The following TMEM61 variants were observed in gnomAD, a reference collection of about 807,000 sequenced individuals.
TMEM61 encodes the protein transmembrane protein 61.
Under a neutral mutation model 12.0 loss-of-function variants are expected in TMEM61, and 13 were observed. The ratio of observed to expected loss-of-function variants is 1.08; its 90% confidence interval spans 0.70 to 1.72. TMEM61 has a LOEUF of 1.72. Among genes scored for constraint, TMEM61 ranks in the 40% most tolerant of loss-of-function variants. The probability of loss-of-function intolerance (pLI) is 0.00; values close to 1 mark genes in which losing one functional copy is unlikely to be tolerated. For missense variants in TMEM61, 249 were observed against 276.9 expected, an observed-to-expected ratio of 0.90 and a Z score of 0.71; for synonymous variants, 109 against 121.4, an observed-to-expected ratio of 0.90 and a Z score of 0.67.
At chr1:54,986,987 G>A (rs942969735) in intron 2 of TMEM61, among the ~76,000 whole-genome samples, 1 of 152,134 alleles carries the variant, frequency 6.6e-6, no homozygotes, top group Non-Finnish European at 1.5e-5. Flanking sequence ...TTCCATACTC[G>A]CTCAGCTGAT....
chr1:54,981,030 C>CTGCGCGCCTGG lies in TMEM61; in HGVS notation c.-35_-25dup, dbSNP rs752557197. ...CACACCTTCACCTGCGCCCGGCTCC[C>CTGCGCGCCTGG]TGCGCGCCTGGACAGCGCCTGCTGC... On this transcript the variant is annotated 5_prime_UTR_variant, in exon 1 of 3. Coordinates refer to ENST00000371268, the MANE Select transcript of TMEM61 (RefSeq NM_182532.3). 347 of 1,556,838 alleles carry CTGCGCGCCTGG rather than the reference C, an allele frequency of 2.2e-4. 1 individual carries two copies. The East Asian group carries it at 3.8e-3, about 17-fold the overall frequency.
At chr1:54,983,853 T>G (rs980539453) in intron 1 of TMEM61, among the ~76,000 whole-genome samples, 3 of 152,012 alleles carry the variant, frequency 2.0e-5, no homozygotes, top group Admixed American at 2.0e-4. Flanking sequence ...AGTCAGAATT[T>G]TTTGCTCCCT....
chr1:54,986,286 G>A lies in TMEM61; in HGVS notation c.205G>A (p.Val69Ile), dbSNP rs764975477. Residue 69 changes from valine to isoleucine, a missense_variant, in exon 2 of 3, where the codon GTC becomes ATC. Transcript: ENST00000371268. ...PEGPSPLLRS[V>I]SFVCCGAGGL... is the part of the protein sequence containing the mutation. ...GGGCCCCAGCCCCCTGCTCAGGTCC[G>A]TCAGCTTCGTCTGCTGCGGTGCAGG... The A allele has an allele frequency of 1.6e-5, 26 of 1,613,832 alleles. No individual in the cohort carries two copies. The highest frequency in any genetic ancestry group is 1.2e-4 in the African/African-American group (9 of 74,952).
chr1:54,989,330 T>A (rs190343895), intron 2 of TMEM61, among the ~76,000 whole-genome samples: 4 of 152,226 alleles, frequency 2.6e-5, no homozygotes, highest in Admixed American at 2.6e-4. Context: ...CCCAGGGTGG[T>A]TGTGAATATG....
At chr1:54,981,534 C>T (rs1644222404) in intron 1 of TMEM61, among the ~76,000 whole-genome samples, 1 of 152,186 alleles carries the variant, frequency 6.6e-6, no homozygotes, top group African/African-American at 2.4e-5. Flanking sequence ...AGGAGAATCA[C>T]TTGAACTCAG....
In TMEM61 at chr1:54,981,088, G is replaced by A; in HGVS notation, c.15+8G>A. On this transcript the variant is annotated splice_region_variant and intron_variant, in intron 1 of 2. Coordinates refer to ENST00000371268, the MANE Select transcript of TMEM61 (RefSeq NM_182532.3). ...CCGATGGCCCTGCCCCAGGTGGGTG[G>A]AAACGGCCTTCTCCCTCCTTTACGG... 1.9e-6 allele frequency: 3 copies of A among 1,588,282 alleles called. No homozygotes were observed. In the South Asian group the frequency reaches 3.5e-5, roughly 18 times the overall value.
intron 2 of TMEM61, among the ~76,000 whole-genome samples, chr1:54,987,683 G>A (rs532604594): frequency 6.6e-6 from 1 of 152,262 alleles, no homozygotes; most frequent in Non-Finnish European, 1.5e-5. Context: ...TTCCTGCAAG[G>A]TAAGAATGAC....
At chr1:54,989,887 G>T (rs1644284028) in intron 2 of TMEM61, among the ~76,000 whole-genome samples, 1 of 152,214 alleles carries the variant, frequency 6.6e-6, no homozygotes, top group African/African-American at 2.4e-5. Flanking sequence ...GCAGGCAGGA[G>T]ATGGGGCTCT....
rs1256941500 is a variant in TMEM61 at position 54,980,940 on chromosome 1, C to G, written c.-126C>G. ...GCCAGGCCCCTCCGCCCCTAACACCCGCGCCTCCTGCAGACCCGAGGGTCG... is the reference window on the plus strand; with the variant it reads ...GCCAGGCCCCTCCGCCCCTAACACCGGCGCCTCCTGCAGACCCGAGGGTCG... On this transcript the variant is annotated 5_prime_UTR_variant, in exon 1 of 3. Coordinates refer to ENST00000371268, the MANE Select transcript of TMEM61 (RefSeq NM_182532.3). 9.5e-7 allele frequency: 1 copy of G among 1,054,454 alleles called. No individual in the cohort carries two copies. Among genetic ancestry groups the G allele is most frequent in the Non-Finnish European group, 1.3e-6 (1 of 765,042 alleles). The allele number at this position is 1,054,454 out of a possible 1,614,324, so 65.3% of individuals were successfully genotyped here. A position where few individuals can be genotyped will look rare whatever the true frequency, so the allele number is the denominator to read the frequency against.
rs370940522 is a variant in TMEM61, at chr1:54,986,193, T to A, written c.112T>A (p.Trp38Arg). The A allele has an allele frequency of 6.2e-7, 1 of 1,613,694 alleles. No individual in the cohort carries two copies. The highest frequency in any genetic ancestry group is 8.5e-7 in the Non-Finnish European group (1 of 1,179,922). Residue 38 changes from tryptophan (W) to arginine (R), a missense_variant, in exon 2 of 3, where the codon TGG becomes AGG. Physicochemically the swap from Trp to Arg is moderately radical, Grantham distance 101. Transcript: ENST00000371268. Reference sequence around the variant, plus strand: ...GGCCGGGACGCTCTGCTTCGCTTGGTGGAGCGAAGGGGATGCAACCGCCCA... The same window carrying A: ...GGCCGGGACGCTCTGCTTCGCTTGGAGGAGCGAAGGGGATGCAACCGCCCA... ...LVAGTLCFAW[W>R]SEGDATAQPG...
In TMEM61 at chr1:54,991,844, A is replaced by T. The variant is rs772652696; in HGVS notation, c.374A>T (p.Lys125Ile). ...CTCTTCTGTTCCTGCAGGACCCCCA[A>T]AGTGGTTGACATCCCCACTTACGAG... is the stretch of plus-strand genomic sequence containing the variant. ...SSEKESCRTP[K>I]VVDIPTYEEA... The change falls in exon 3 of 3, where the codon AAA (lysine) becomes ATA (isoleucine). Residue 125 changes from lysine (K) to isoleucine (I), a missense_variant. Physicochemically the swap from Lys to Ile is moderately radical, Grantham distance 102. Transcript: ENST00000371268. 2 of 1,613,860 alleles carry T rather than the reference A, an allele frequency of 1.2e-6. No homozygotes were observed. The highest frequency in any genetic ancestry group is 3.3e-5 in the Admixed American group (2 of 60,006).
intron 2 of TMEM61, among the ~76,000 whole-genome samples, chr1:54,990,867 G>A (rs1198329431): frequency 6.6e-6 from 1 of 152,176 alleles, no homozygotes; most frequent in African/African-American, 2.4e-5. Flanking sequence ...AGGCCTCGAT[G>A]AATGGAATTA....
chr1:54,985,734 G>T (rs529552607), intron 1 of TMEM61, among the ~76,000 whole-genome samples: 1 of 150,522 alleles, frequency 6.6e-6, no homozygotes, highest in Non-Finnish European at 1.5e-5. Context: ...AGGCCTGGAG[G>T]TTCCAACATG....
At chr1:54,983,710 A>G (rs558253435) in intron 1 of TMEM61, among the ~76,000 whole-genome samples, 1 of 152,180 alleles carries the variant, frequency 6.6e-6, no homozygotes, top group Non-Finnish European at 1.5e-5. Context: ...TGAGTACCAT[A>G]ACATACAGGC....
At chr1:54,982,491 C>T (rs1382526221) in intron 1 of TMEM61, among the ~76,000 whole-genome samples, 1 of 152,194 alleles carries the variant, frequency 6.6e-6, no homozygotes, top group African/African-American at 2.4e-5. Context: ...CCCAACCGTC[C>T]CCCAGGATGG....
intron 1 of TMEM61, among the ~76,000 whole-genome samples, chr1:54,982,089 A>T (rs1395789060): frequency 1.3e-5 from 2 of 152,124 alleles, no homozygotes; most frequent in Non-Finnish European, 2.9e-5. Context: ...CCGTCTTGCC[A>T]TCTCATTTTC....
chr1:54,986,404 T>G lies in TMEM61; in HGVS notation c.323T>G (p.Leu108Arg). The change falls in exon 2 of 3, where the codon CTG (leucine) becomes CGG (arginine). Residue 108 changes from leucine (L) to arginine (R), a missense_variant. Coordinates refer to ENST00000371268, the MANE Select transcript of TMEM61 (RefSeq NM_182532.3). ...RWDPYHLSRD[L>R]YYLTVESSEK... ...GACCCCTATCACCTCTCCAGAGACC[T>G]GTACTACCTCACTGTGGAGTCCTCA... is the stretch of plus-strand genomic sequence containing the variant. 6.2e-7 allele frequency: 1 copy of G among 1,604,758 alleles called. No homozygotes were observed. Among genetic ancestry groups the G allele is most frequent in the Non-Finnish European group, 8.5e-7 (1 of 1,173,754 alleles).
chr1:54,989,216 A>T (rs1644279765), intron 2 of TMEM61, among the ~76,000 whole-genome samples: 1 of 152,186 alleles, frequency 6.6e-6, no homozygotes, highest in African/African-American at 2.4e-5. Context: ...GAGGTGTGAT[A>T]GGTGGACTTA....
At chr1:54,986,869 C>G (rs1644264986) in intron 2 of TMEM61, among the ~76,000 whole-genome samples, 2 of 151,772 alleles carry the variant, frequency 1.3e-5, no homozygotes, top group South Asian at 4.1e-4. Context: ...CATGCAATCC[C>G]CCTAAGCTTT....
Sources: gnomAD v4.1 joint callset for allele counts (sites outside exome capture counted in the v4.1 genomes callset) on GRCh38, gnomAD v4.1.1 for gene constraint, MANE v1.5 for transcripts, NCBI Gene and HGNC (gene_info 2026-07-23, HGNC 2026-07-21) for gene names.